The following IGFN1 variants were observed in gnomAD, a reference collection of about 807,000 sequenced individuals.
The protein encoded by IGFN1 is immunoglobulin like and fibronectin type III domain containing 1.
Under a neutral mutation model 289.5 loss-of-function variants are expected in IGFN1, and 253 were observed. That is an observed-to-expected ratio of 0.87 (90% CI 0.79 to 0.97). The LOEUF (loss-of-function observed/expected upper bound fraction) is 0.97. IGFN1 is among the 50% of genes least tolerant of loss of function. The pLI, the probability that IGFN1 is intolerant of heterozygous loss-of-function variation, is 0.00. For synonymous variants in IGFN1, 1,706 were observed against 1,788.5 expected (o/e 0.95, Z 1.16); for missense variants, 4,470 against 4,686.1 (o/e 0.95, Z 1.35).
In IGFN1 at chr1:201,218,625, C is replaced by T. The variant is rs1404342868; in HGVS notation, c.9865C>T (p.Pro3289Ser). ...APSGPGEPGPPSDAVFARDPM... is the reference protein window; with the variant it reads ...APSGPGEPGPSSDAVFARDPM... ...CTCAGGTCCCGGAGAGCCTGGACCT[C>T]CATCGGATGCTGTCTTTGCTCGGGA... Residue 3289 changes from proline (P) to serine (S), a missense_variant, in exon 18 of 24, where the codon CCA becomes TCA. Transcript: ENST00000335211. 6.2e-7 allele frequency: 1 copy of T among 1,610,666 alleles called. No individual in the cohort carries two copies. The highest frequency in any genetic ancestry group is 1.7e-5 in the Admixed American group (1 of 59,984).
Position 201,207,542 on chromosome 1 carries a change from G to A in IGFN1, c.2649G>A (p.Val883=), listed in dbSNP as rs1667485967. 1 of 1,536,906 alleles carries A rather than the reference G, an allele frequency of 6.5e-7. No homozygotes were observed. The highest frequency in any genetic ancestry group is 8.7e-7 in the Non-Finnish European group (1 of 1,146,810). The stretch of plus-strand genomic sequence containing the variant: ...GACTGACGGAGTCTGGTCAGGGGGT[G>A]GATGCCAGAAGCCACTGGCTAAGTA... The part of the protein sequence containing the change: ...VAGLTESGQG[V]DARSHWLSRA... The change falls in exon 12 of 24, where the codon GTG becomes GTA. Residue 883 remains valine (V), a synonymous_variant. Coordinates refer to ENST00000335211, the MANE Select transcript of IGFN1 (RefSeq NM_001164586.2).
chr1:201,195,058 C>T (rs142978902), intron 3 of IGFN1, among the ~76,000 whole-genome samples: 9 of 152,102 alleles, frequency 5.9e-5, no homozygotes, highest in East Asian at 5.8e-4. Context: ...GTCTCAGCAC[C>T]GGATCCTTCG....
chr1:201,207,742 G>T lies in IGFN1; in HGVS notation c.2849G>T (p.Arg950Ile), dbSNP rs552332116. 7 of 1,536,898 alleles carry T rather than the reference G, an allele frequency of 4.6e-6. No individual in the cohort carries two copies. Among genetic ancestry groups the T allele is most frequent in the Non-Finnish European group, 6.1e-6 (7 of 1,146,864 alleles). The change falls in exon 12 of 24, where the codon AGA becomes ATA. Residue 950 changes from arginine (R) to isoleucine (I), a missense_variant. Coordinates refer to ENST00000335211, the MANE Select transcript of IGFN1 (RefSeq NM_001164586.2). ...AAGGATGGCTTGGAAGGTCCCGGGA[G>T]AATGGAATCTAGGTACGAGGGTGGC... ...GYKDGLEGPG[R>I]MESRYEGGLG... is the part of the protein sequence containing the mutation.
At chr1:201,216,304 C>A in intron 15 of IGFN1, 150 bp from the exon 16 acceptor site, 1 of 642,162 alleles carries the variant, frequency 1.6e-6, no homozygotes, top group Non-Finnish European at 2.6e-6. Flanking sequence ...CCAAGGCTCT[C>A]TGGACAGTCT....
In IGFN1 at chr1:201,221,581, C is replaced by T; in HGVS notation, c.10036C>T (p.Leu3346Phe). ...YVVELCSSDS[L>F]QWLPCHVGTV... ...GGTGGAGCTGTGCAGCTCAGACAGT[C>T]TCCAGTGGCTCCCGTGCCATGTGGG... is the stretch of plus-strand genomic sequence containing the variant. Residue 3346 changes from leucine to phenylalanine, a missense_variant, in exon 19 of 24, where the codon CTC becomes TTC. Transcript: ENST00000335211. 1 of 1,614,218 alleles carries T rather than the reference C, an allele frequency of 6.2e-7. No individual in the cohort carries two copies. The highest frequency in any genetic ancestry group is 8.5e-7 in the Non-Finnish European group (1 of 1,180,030).
chr1:201,208,435 G>C lies in IGFN1; in HGVS notation c.3542G>C (p.Gly1181Ala). 6.9e-7 allele frequency: 1 copy of C among 1,447,246 alleles called. No individual in the cohort carries two copies. The highest frequency in any genetic ancestry group is 9.0e-7 in the Non-Finnish European group (1 of 1,107,430). The allele number at this position is 1,447,246 out of a possible 1,614,324, so 89.7% of individuals were successfully genotyped here. Residue 1181 changes from glycine to alanine, a missense_variant, in exon 12 of 24, where the codon GGT (glycine) becomes GCT (alanine). Transcript: ENST00000335211. ...PGAKASGAGA[G>A]YRDDTRHPES... The stretch of plus-strand genomic sequence containing the variant: ...GCTAAGGCCTCTGGAGCTGGAGCTG[G>C]TTATAGGGATGATACCAGGCACCCT...
chr1:201,215,209 C>G, intron 14 of IGFN1, 55 bp downstream of exon 14: 1 of 1,558,024 alleles, frequency 6.4e-7, no homozygotes. Flanking sequence ...TCTCTTTGTA[C>G]CAGGTGATAT....
intron 4 of IGFN1, 70 bp from the exon 5 acceptor site, chr1:201,197,148 A>G: frequency 2.2e-6 from 2 of 917,500 alleles, no homozygotes; most frequent in South Asian, 2.8e-5. Context: ...CCCCCAACAC[A>G]TAGCCGTGTC....
At chr1:201,222,387 G>A (rs571948573) in intron 19 of IGFN1, 1 of 187,276 alleles carries the variant, frequency 5.3e-6, no homozygotes, top group South Asian at 1.7e-4. Flanking sequence ...TGTGACCTCA[G>A]GCAAGTCATT....
rs946408246 is a variant in IGFN1, at chr1:201,213,716, C to T, written c.8728+95C>T. 23 of 1,056,994 alleles carry T rather than the reference C, an allele frequency of 2.2e-5. No individual in the cohort carries two copies. The African/African-American group carries it at 3.3e-4, about 15-fold the overall frequency. The allele number at this position is 1,056,994 out of a possible 1,614,324, so 65.5% of individuals were successfully genotyped here. Reference sequence around the variant, plus strand: ...GCTTGGGTCTGTCCCAGTTCTGCCTCCAGCCCCAGGAGTTTGTCCCTGCCA... The same window carrying T: ...GCTTGGGTCTGTCCCAGTTCTGCCTTCAGCCCCAGGAGTTTGTCCCTGCCA... On this transcript the variant is annotated intron_variant, in intron 12 of 23. Coordinates refer to ENST00000335211, the MANE Select transcript of IGFN1 (RefSeq NM_001164586.2).
chr1:201,212,467 C>T lies in IGFN1; in HGVS notation c.7574C>T (p.Ser2525Phe). 1 of 1,539,002 alleles carries T rather than the reference C, an allele frequency of 6.5e-7. No individual in the cohort carries two copies. Among genetic ancestry groups the T allele is most frequent in the African/African-American group, 1.4e-5 (1 of 73,118 alleles). Residue 2525 changes from serine to phenylalanine, a missense_variant, in exon 12 of 24, where the codon TCT becomes TTT. This residue lies in a region of IGFN1 where 2,218 missense variants were observed against 2,114.1 expected (regional missense o/e 1.05). Coordinates refer to ENST00000335211, the MANE Select transcript of IGFN1 (RefSeq NM_001164586.2). ...SPDQAGIMGASGFLDGKGAVE... is the reference protein window; with the variant it reads ...SPDQAGIMGAFGFLDGKGAVE... Reference sequence around the variant, plus strand: ...GACCAAGCAGGGATAATGGGGGCTTCTGGGTTTCTTGATGGCAAGGGGGCA... The same window carrying T: ...GACCAAGCAGGGATAATGGGGGCTTTTGGGTTTCTTGATGGCAAGGGGGCA...
chr1:201,192,793 A>G (rs1666714946), intron 1 of IGFN1, among the ~76,000 whole-genome samples: 1 of 152,148 alleles, frequency 6.6e-6, no homozygotes, highest in African/African-American at 2.4e-5. Flanking sequence ...TCCAAAGCCA[A>G]TGGGGCAAGC....
chr1:201,227,087 C>A lies in IGFN1; in HGVS notation c.10992C>A (p.Asp3664Glu). ...GAAACCCCGCGGTGTACAGCACTGACCTGCTGGGCGTGTGCTCCCTCACCA... is the reference window on the plus strand; with the variant it reads ...GAAACCCCGCGGTGTACAGCACTGAACTGCTGGGCGTGTGCTCCCTCACCA... ...LEGNPAVYST[D>E]LLGVCSLTIP... is the part of the protein sequence containing the mutation. Residue 3664 changes from aspartate to glutamate, a missense_variant, in exon 23 of 24, where the codon GAC becomes GAA. Transcript: ENST00000335211. 6.2e-7 allele frequency: 1 copy of A among 1,613,664 alleles called. No individual in the cohort carries two copies. The highest frequency in any genetic ancestry group is 8.5e-7 in the Non-Finnish European group (1 of 1,180,042).
chr1:201,223,295 G>T (rs1384785559), intron 20 of IGFN1, among the ~76,000 whole-genome samples: 4 of 152,254 alleles, frequency 2.6e-5, no homozygotes, highest in Middle Eastern at 3.4e-3. Flanking sequence ...AGTACAAACT[G>T]CCTGGGTTCA....
chr1:201,211,718 T>C lies in IGFN1; in HGVS notation c.6825T>C (p.Ser2275=). The C allele has an allele frequency of 6.5e-7, 1 of 1,537,030 alleles. No homozygotes were observed. The highest frequency in any genetic ancestry group is 8.7e-7 in the Non-Finnish European group (1 of 1,146,826). The change falls in exon 12 of 24, where the codon TCT becomes TCC. Residue 2275 remains serine, a synonymous_variant. Transcript: ENST00000335211. The part of the protein sequence containing the change: ...YTDYRNGLGS[S]GKISSGDEAG... ...ATTACAGGAATGGTTTAGGCAGTTC[T>C]GGAAAAATCAGTTCAGGGGATGAGG... is the stretch of plus-strand genomic sequence containing the variant.
At chr1:201,217,756 A>G (rs1270859851) in intron 17 of IGFN1, among the ~76,000 whole-genome samples, 2 of 152,176 alleles carry the variant, frequency 1.3e-5, no homozygotes, top group East Asian at 3.8e-4. Context: ...GAATCTGGCA[A>G]AAAAATTTCA....
chr1:201,194,453 A>T (rs946162952), intron 3 of IGFN1, among the ~76,000 whole-genome samples, 180 bp downstream of exon 3: 4 of 152,180 alleles, frequency 2.6e-5, no homozygotes, highest in African/African-American at 9.7e-5. Flanking sequence ...TAGAAGTGAC[A>T]AGAGGCCTGG....
intron 5 of IGFN1, among the ~76,000 whole-genome samples, chr1:201,197,565 G>A (rs1350353571): frequency 6.6e-6 from 1 of 152,240 alleles, no homozygotes. Flanking sequence ...CAGTAAATGA[G>A]CAGGACCTGA....
intron 9 of IGFN1, 149 bp downstream of exon 9, chr1:201,201,981 G>C: frequency 1.6e-6 from 1 of 612,258 alleles, no homozygotes; most frequent in Non-Finnish European, 2.9e-6. Context: ...TTCCTGGCTG[G>C]ACCTGGACCA....
Sources: gnomAD v4.1 joint callset for allele counts (sites outside exome capture counted in the v4.1 genomes callset) on GRCh38, gnomAD v4.1.1 for gene constraint, gnomAD v4.1.1 regional missense constraint, MANE v1.5 for transcripts, NCBI Gene and HGNC (gene_info 2026-07-23, HGNC 2026-07-21) for gene names.